Variants in CDK14 observed in about 807,000 individuals in gnomAD.
CDK14 encodes the protein cyclin dependent kinase 14.
A neutral mutation model predicts 60.7 loss-of-function variants in CDK14; 34 were observed. The ratio of observed to expected loss-of-function variants is 0.56; its 90% CI spans 0.43 to 0.75. The LOEUF (loss-of-function observed/expected upper bound fraction) is 0.75. Among genes scored for constraint, CDK14 ranks in the 30% least tolerant of loss-of-function variants. CDK14 has a pLI of 0.00. For missense variants in CDK14, 482 were observed against 564.1 expected (o/e 0.85, Z 1.47); for synonymous variants, 197 against 203.7 (o/e 0.97, Z 0.28).
At chr7:90,853,864 T>G (rs1790734528) in intron 5 of CDK14, among the ~76,000 whole-genome samples, 2 of 152,174 alleles carry the variant, frequency 1.3e-5, no homozygotes, top group South Asian at 4.1e-4. Flanking sequence ...TGTAGTTGGT[T>G]GGAGGGCCAT....
chr7:91,178,466 C>G (rs1801860167), intron 14 of CDK14, among the ~76,000 whole-genome samples: 1 of 142,520 alleles, frequency 7.0e-6, no homozygotes. Flanking sequence ...CAAATGGGAT[C>G]TAATTAAACT....
chr7:90,790,365 C>A (rs912771683), intron 4 of CDK14, among the ~76,000 whole-genome samples: 4 of 151,928 alleles, frequency 2.6e-5, no homozygotes, highest in Non-Finnish European at 5.9e-5. Context: ...TAAATCTTGG[C>A]CTATGCAAGT....
At chr7:90,601,845 C>T (rs1799320027) in intron 1 of CDK14, among the ~76,000 whole-genome samples, 1 of 152,110 alleles carries the variant, frequency 6.6e-6, no homozygotes, top group Admixed American at 6.6e-5. Context: ...CTCTGCCTCC[C>T]AGGCTCAAGT....
In CDK14 at chr7:90,744,792, C is replaced by T. The variant is rs1424195796; in HGVS notation, c.370-2889C>T. 1.6e-4 allele frequency among the ~76,000 whole-genome samples: 20 copies of T among 125,918 alleles called. 1 individual carries two copies. Among genetic ancestry groups the T allele is most frequent in the Admixed American group, 4.8e-4 (6 of 12,628 alleles). The allele number at this position is 125,918 out of a possible 152,430, so 82.6% of individuals were successfully genotyped here. A position where few individuals can be genotyped will look rare whatever the true frequency, so the allele number is the denominator to read the frequency against. On this transcript the variant is annotated intron_variant, in intron 3 of 14. Transcript: ENST00000380050. The stretch of plus-strand genomic sequence containing the variant: ...CTGACCCCCCCACCTCCCTGCCGGA[C>T]GGGGCGGCTGGCCGGGCGGGGGGCT...
intron 5 of CDK14, among the ~76,000 whole-genome samples, chr7:90,812,051 C>T (rs36200374): frequency 0.1 from 15,607 of 152,192 alleles, 1,021 homozygotes; most frequent in Non-Finnish European, 0.14. Context: ...TTGTGGAAGT[C>T]AGTGTGGCGA....
chr7:90,870,612 C>T (rs562709254), intron 6 of CDK14, among the ~76,000 whole-genome samples: 25 of 152,210 alleles, frequency 1.6e-4, no homozygotes, highest in African/African-American at 5.3e-4. Flanking sequence ...GAAAAAGACA[C>T]CTCATAAACG....
chr7:90,692,626 G>C, intron 2 of CDK14: 2 of 941,652 alleles, frequency 2.1e-6, no homozygotes, highest in Non-Finnish European at 2.5e-6. Context: ...GCTCTGCCTG[G>C]TGGAGACTAT....
intron 4 of CDK14, among the ~76,000 whole-genome samples, chr7:90,783,336 G>A (rs1332163954): frequency 6.6e-6 from 1 of 152,052 alleles, no homozygotes; most frequent in African/African-American, 2.4e-5. Flanking sequence ...AGAAATTAAT[G>A]TGTCCATTTT....
intron 5 of CDK14, among the ~76,000 whole-genome samples, chr7:90,860,514 G>A (rs1490964220): frequency 6.7e-6 from 1 of 149,078 alleles, no homozygotes; most frequent in African/African-American, 2.5e-5. Context: ...GGGATGTGAT[G>A]TGTCTCATTC....
intron 10 of CDK14, among the ~76,000 whole-genome samples, chr7:90,988,316 G>A (rs1327019773): frequency 1.3e-5 from 2 of 152,084 alleles, no homozygotes; most frequent in African/African-American, 4.8e-5. Context: ...TTGACATTGT[G>A]ATACATGCAA....
chr7:90,712,312 C>T (rs1344611663), intron 2 of CDK14, among the ~76,000 whole-genome samples: 3 of 151,902 alleles, frequency 2.0e-5, no homozygotes, highest in African/African-American at 7.3e-5. Flanking sequence ...ATTCCCCTTC[C>T]CCCTGCCCCT....
intron 10 of CDK14, among the ~76,000 whole-genome samples, chr7:91,027,298 A>G (rs1017148521): frequency 6.6e-6 from 1 of 152,212 alleles, no homozygotes; most frequent in Non-Finnish European, 1.5e-5. Flanking sequence ...CAAAACTAAC[A>G]GCAACTGAGA....
intron 14 of CDK14, among the ~76,000 whole-genome samples, chr7:91,125,852 C>T (rs1799927755): frequency 6.6e-6 from 1 of 151,960 alleles, no homozygotes; most frequent in Admixed American, 6.6e-5. Flanking sequence ...GTATAGTGCC[C>T]TTGGATTTTT....
intron 12 of CDK14, among the ~76,000 whole-genome samples, chr7:91,089,440 C>T (rs1383249341): frequency 1.3e-5 from 2 of 152,030 alleles, no homozygotes; most frequent in Admixed American, 6.6e-5. Context: ...CGCAGATATA[C>T]CCAACCTCCT....
intron 10 of CDK14, among the ~76,000 whole-genome samples, chr7:90,990,093 A>G (rs1487017146): frequency 6.6e-6 from 1 of 152,192 alleles, no homozygotes; most frequent in Non-Finnish European, 1.5e-5. Flanking sequence ...ACAGTATAAC[A>G]GGAGAGTAAT....
rs185115147 is a variant in CDK14 at position 91,010,929 on chromosome 7, G to T, written c.1041+26688G>T. Among the ~76,000 whole-genome samples the T allele has an allele frequency of 5.8e-3, 861 of 147,718 alleles. 8 individuals are homozygous for T. Among genetic ancestry groups the T allele is most frequent in the Non-Finnish European group, 6.3e-3 (424 of 67,112 alleles). ...AACCTCCAGTATAATATTAAATGAG[G>T]TGGTGAGAATGGACATTCTTGCATT... is the stretch of plus-strand genomic sequence containing the variant. On this transcript the variant is annotated intron_variant, in intron 10 of 14. Coordinates refer to ENST00000380050, the MANE Select transcript of CDK14 (RefSeq NM_001287135.2).
At chr7:91,174,188 C>G (rs917473722) in intron 14 of CDK14, among the ~76,000 whole-genome samples, 6 of 152,122 alleles carry the variant, frequency 3.9e-5, no homozygotes, top group African/African-American at 9.6e-5. Flanking sequence ...CACCCCCCAG[C>G]AGGGGCACAC....
At chr7:90,668,326 G>A (rs981475106) in intron 2 of CDK14, among the ~76,000 whole-genome samples, 2 of 152,128 alleles carry the variant, frequency 1.3e-5, no homozygotes, top group Non-Finnish European at 2.9e-5. Context: ...TTGGAGAAAT[G>A]TCTGTTCAAA....
chr7:91,131,094 T>A (rs939214464), intron 14 of CDK14, among the ~76,000 whole-genome samples: 1 of 150,728 alleles, frequency 6.6e-6, no homozygotes, highest in African/African-American at 2.4e-5. Flanking sequence ...AGTTTTTTAT[T>A]TTTTTTTTGT....
Sources: allele counts gnomAD v4.1 joint callset (sites outside exome capture counted in the v4.1 genomes callset), GRCh38; gene constraint gnomAD v4.1.1; transcripts MANE v1.5; gene names NCBI Gene and HGNC (gene_info 2026-07-23, HGNC 2026-07-21).